FGF12: variants seen among roughly 807,000 people sequenced by gnomAD.
FGF12 encodes fibroblast growth factor 12B.
Under a neutral mutation model 23.6 loss-of-function variants are expected in FGF12, and 14 were observed. The ratio of observed to expected loss-of-function variants is 0.59; its 90% CI spans 0.39 to 0.93. FGF12 has a LOEUF of 0.93. FGF12 is among the 40% of genes least tolerant of loss of function. The pLI, the probability that FGF12 is intolerant of heterozygous loss-of-function variation, is 0.00. For missense variants in FGF12, 175 were observed against 217.8 expected, an observed-to-expected ratio of 0.80 and a Z score of 1.24; for synonymous variants, 62 against 77.3, an observed-to-expected ratio of 0.80 and a Z score of 1.04.
chr3:192,627,379 T>C (rs1715210652), intron 2 of FGF12, among the ~76,000 whole-genome samples: 1 of 152,100 alleles, frequency 6.6e-6, no homozygotes, highest in African/African-American at 2.4e-5. Flanking sequence ...GCTATCATAA[T>C]ACACTATACC....
intron 2 of FGF12, among the ~76,000 whole-genome samples, chr3:192,563,956 T>C (rs1006783321): frequency 2.0e-5 from 3 of 152,254 alleles, no homozygotes; most frequent in African/African-American, 7.2e-5. Flanking sequence ...TACCATTTGG[T>C]ATGCCTACAT....
At chr3:192,203,826 AC>A (rs1717506005) in intron 4 of FGF12, among the ~76,000 whole-genome samples, 1 of 151,938 alleles carries the variant, frequency 6.6e-6, no homozygotes, top group African/African-American at 2.4e-5. Flanking sequence ...CTGGTCTTGA[AC>A]TTTTGGCCTT....
intron 2 of FGF12, among the ~76,000 whole-genome samples, chr3:192,527,993 G>A (rs1724993462): frequency 6.6e-6 from 1 of 152,046 alleles, no homozygotes; most frequent in Admixed American, 6.5e-5. Flanking sequence ...CACAACATGT[G>A]GGAATTCAAG....
chr3:192,275,410 T>C (rs72607868), intron 4 of FGF12, among the ~76,000 whole-genome samples: 54,249 of 152,032 alleles, frequency 0.36, 10,784 homozygotes, highest in East Asian at 0.9. Context: ...CCTTTTCTGT[T>C]TGTAAAACCA....
chr3:192,359,975 G>T (rs766911820), intron 3 of FGF12, among the ~76,000 whole-genome samples: 1 of 151,268 alleles, frequency 6.6e-6, no homozygotes. Flanking sequence ...ACACATATAT[G>T]CATGTACTCA....
chr3:192,352,762 T>C (rs948310364), intron 3 of FGF12, among the ~76,000 whole-genome samples: 13 of 152,336 alleles, frequency 8.5e-5, no homozygotes, highest in African/African-American at 3.1e-4. Flanking sequence ...ATTATTATTG[T>C]CATTTAACAA....
rs369293180 is a variant in FGF12 at position 192,415,732 on chromosome 3, T to TCTCA, written c.14-55195_14-55194insTGAG. On this transcript the variant is annotated intron_variant, in intron 2 of 5. Transcript: ENST00000445105. ...CTGATACTTCTCTTCTCTCTCTCTC[T>TCTCA]CACACACACACACACACACACACAC... 4.3e-3 allele frequency among the ~76,000 whole-genome samples: 508 copies of TCTCA among 118,002 alleles called. 2 individuals are homozygous for TCTCA. Among genetic ancestry groups the TCTCA allele is most frequent in the African/African-American group, 0.015 (458 of 31,560 alleles). 77.4% of individuals were successfully genotyped at this position (118,002 alleles called of 152,430 possible).
chr3:192,268,610 C>A, intron 4 of FGF12: 1 of 386,958 alleles, frequency 2.6e-6, no homozygotes. Context: ...AAGTGTGTGG[C>A]TTCTCCCCTG....
chr3:192,303,145 T>G (rs1715434433), intron 4 of FGF12, among the ~76,000 whole-genome samples: 1 of 152,236 alleles, frequency 6.6e-6, no homozygotes, highest in Non-Finnish European at 1.5e-5. Flanking sequence ...ATTCTGCATT[T>G]CATATGTTAA....
intron 2 of FGF12, among the ~76,000 whole-genome samples, chr3:192,471,449 T>C (rs1030982275): frequency 2.0e-5 from 3 of 152,186 alleles, no homozygotes; most frequent in African/African-American, 4.8e-5. Context: ...AAACCAGCAG[T>C]AAAATAAAAA....
chr3:192,297,419 T>C (rs907661539), intron 4 of FGF12, among the ~76,000 whole-genome samples: 5 of 151,500 alleles, frequency 3.3e-5, no homozygotes, highest in African/African-American at 1.2e-4. Context: ...TGACAGAGTA[T>C]GCAATATAAT....
chr3:192,301,981 G>T (rs1297328685), intron 4 of FGF12, among the ~76,000 whole-genome samples: 1 of 152,118 alleles, frequency 6.6e-6, no homozygotes, highest in Non-Finnish European at 1.5e-5. Context: ...GCCATGAAAA[G>T]AATATGATGA....
intron 3 of FGF12, among the ~76,000 whole-genome samples, chr3:192,350,544 G>C (rs749608159): frequency 5.9e-5 from 9 of 152,062 alleles, no homozygotes; most frequent in Non-Finnish European, 1.0e-4. Context: ...TTGAGAAAAG[G>C]CTTCCCTTTT....
At chr3:192,606,053 A>ATATGTTCATGCACTCATG in intron 2 of FGF12, among the ~76,000 whole-genome samples, 1 of 152,182 alleles carries the variant, frequency 6.6e-6, no homozygotes, top group Admixed American at 6.6e-5. Flanking sequence ...TATTCTACCA[A>ATATGTTCATGCACTCATG]AAAGACCCAT....
chr3:192,402,991 A>ATT (rs1720824859), intron 2 of FGF12, among the ~76,000 whole-genome samples: 1 of 152,196 alleles, frequency 6.6e-6, no homozygotes, highest in Non-Finnish European at 1.5e-5. Flanking sequence ...TGTTTTGTGG[A>ATT]ATCATCATAC....
chr3:192,241,839 A>T (rs1162604747), intron 4 of FGF12, among the ~76,000 whole-genome samples: 1 of 152,196 alleles, frequency 6.6e-6, no homozygotes, highest in Middle Eastern at 3.2e-3. Context: ...AATGAAATTC[A>T]TACGGCTAAA....
chr3:192,445,300 A>G (rs1722320266), intron 2 of FGF12, among the ~76,000 whole-genome samples: 2 of 152,196 alleles, frequency 1.3e-5, no homozygotes, highest in Admixed American at 1.3e-4. Flanking sequence ...GAATCCCAGG[A>G]AGGGGCATTT....
intron 4 of FGF12, among the ~76,000 whole-genome samples, chr3:192,180,963 G>A (rs140601625): frequency 6.9e-4 from 105 of 152,238 alleles, no homozygotes; most frequent in Middle Eastern, 3.4e-3. Flanking sequence ...ACTGTAGTTC[G>A]AGATTGCTAA....
At chr3:192,418,073 G>A (rs976251900) in intron 2 of FGF12, among the ~76,000 whole-genome samples, 5 of 151,928 alleles carry the variant, frequency 3.3e-5, no homozygotes, top group Non-Finnish European at 7.4e-5. Context: ...CTGGAGTTGT[G>A]GACTCCAAAG....
Sources: allele counts gnomAD v4.1 joint callset (sites outside exome capture counted in the v4.1 genomes callset), GRCh38; gene constraint gnomAD v4.1.1; transcripts MANE v1.5; gene names NCBI Gene and HGNC (gene_info 2026-07-23, HGNC 2026-07-21).